FGF10: variants seen among roughly 807,000 people sequenced by gnomAD.
FGF10 encodes the protein FGF-10.
FGF10 carries 2 observed loss-of-function variants against 19.8 expected under a neutral mutation model. The observed-to-expected ratio is 0.10, with a 90% CI of 0.04 to 0.32. FGF10 has a LOEUF of 0.32. Among genes scored for constraint, FGF10 ranks in the 10% least tolerant of loss-of-function variants. The probability of loss-of-function intolerance (pLI) is 1.00; values close to 1 mark genes in which losing one functional copy is unlikely to be tolerated. For synonymous variants in FGF10, 112 were observed against 94.0 expected (o/e 1.19, Z -1.10); for missense variants, 191 against 246.3 (o/e 0.78, Z 1.50).
chr5:44,361,784 CT>C (rs1345965720), intron 1 of FGF10, among the ~76,000 whole-genome samples: 3 of 151,564 alleles, frequency 2.0e-5, no homozygotes, highest in Non-Finnish European at 3.0e-5. Context: ...AAAATTTTCC[CT>C]GATTTTGGTT....
chr5:44,312,407 T>C (rs1055923329), intron 1 of FGF10, among the ~76,000 whole-genome samples: 4 of 152,088 alleles, frequency 2.6e-5, no homozygotes, highest in African/African-American at 7.2e-5. Flanking sequence ...CTCTGACTTT[T>C]AGACTCTATT....
chr5:44,333,501 A>G (rs1740783603), intron 1 of FGF10, among the ~76,000 whole-genome samples: 1 of 152,174 alleles, frequency 6.6e-6, no homozygotes, highest in South Asian at 2.1e-4. Context: ...TAGTCATCCC[A>G]TTTATGGAGC....
At chr5:44,340,375 T>C (rs1045845834) in intron 1 of FGF10, among the ~76,000 whole-genome samples, 3 of 152,118 alleles carry the variant, frequency 2.0e-5, no homozygotes, top group African/African-American at 2.4e-5. Flanking sequence ...AGTGCCAACA[T>C]TTTAGCTTCT....
chr5:44,357,906 C>T (rs1371923982), intron 1 of FGF10, among the ~76,000 whole-genome samples: 1 of 151,356 alleles, frequency 6.6e-6, no homozygotes, highest in Non-Finnish European at 1.5e-5. Context: ...ATAATGCATT[C>T]CCCTCTGTCT....
chr5:44,350,626 C>T (rs1384410517), intron 1 of FGF10, among the ~76,000 whole-genome samples: 3 of 150,228 alleles, frequency 2.0e-5, no homozygotes, highest in African/African-American at 7.3e-5. Flanking sequence ...CATATATGTC[C>T]TTAAGTTTTA....
At chr5:44,352,095 A>C (rs1013698813) in intron 1 of FGF10, among the ~76,000 whole-genome samples, 1 of 151,644 alleles carries the variant, frequency 6.6e-6, no homozygotes, top group African/African-American at 2.4e-5. Flanking sequence ...AGCATAGTCC[A>C]TGAAAGAGGA....
intron 1 of FGF10, among the ~76,000 whole-genome samples, chr5:44,369,433 TG>T (rs1301228044): frequency 6.6e-6 from 1 of 152,070 alleles, no homozygotes; most frequent in Non-Finnish European, 1.5e-5. Context: ...CCAACACTCT[TG>T]GGGTTAGACG....
intron 1 of FGF10, among the ~76,000 whole-genome samples, chr5:44,344,290 T>G (rs1396629895): frequency 6.6e-6 from 1 of 150,774 alleles, no homozygotes; most frequent in African/African-American, 2.5e-5. Context: ...GATTCATGCT[T>G]GAATGGGGAT....
intron 2 of FGF10, among the ~76,000 whole-genome samples, chr5:44,305,475 G>A (rs576635207): frequency 6.6e-6 from 1 of 152,260 alleles, no homozygotes; most frequent in East Asian, 1.9e-4. Flanking sequence ...TGGTTTAAGT[G>A]CCTAGAGTGA....
rs1355054329 is a variant in FGF10, at chr5:44,365,878, T to C, written c.325+22480A>G. 2.0e-5 allele frequency among the ~76,000 whole-genome samples: 3 copies of C among 151,940 alleles called. No homozygotes were observed. The East Asian group carries it at 5.8e-4, about 30-fold the overall frequency. On this transcript the variant is annotated intron_variant, in intron 1 of 2. Transcript: ENST00000264664. ...AGAACATTTGGCTCTTCCTTCAAAGTACAAAAATACATGTAAATATGAGAA... is the reference window on the plus strand; with the variant it reads ...AGAACATTTGGCTCTTCCTTCAAAGCACAAAAATACATGTAAATATGAGAA...
At chr5:44,368,109 AAT>A (rs1741659929) in intron 1 of FGF10, among the ~76,000 whole-genome samples, 1 of 152,008 alleles carries the variant, frequency 6.6e-6, no homozygotes, top group African/African-American at 2.4e-5. Flanking sequence ...ACAAAATGTC[AAT>A]GTTACTAATT....
chr5:44,309,355 C>T (rs539705009), intron 2 of FGF10, among the ~76,000 whole-genome samples: 1 of 152,294 alleles, frequency 6.6e-6, no homozygotes, highest in East Asian at 1.9e-4. Flanking sequence ...AACTAATATA[C>T]TCCTGTCATC....
intron 1 of FGF10, among the ~76,000 whole-genome samples, chr5:44,384,733 A>T (rs935098033): frequency 1.3e-5 from 2 of 152,072 alleles, no homozygotes; most frequent in African/African-American, 4.8e-5. Context: ...ATGACTATTA[A>T]ATGAAGTGTG....
intron 1 of FGF10, among the ~76,000 whole-genome samples, chr5:44,343,382 T>C (rs753676565): frequency 3.9e-5 from 6 of 151,984 alleles, no homozygotes; most frequent in Non-Finnish European, 5.9e-5. Flanking sequence ...CATTACCTGA[T>C]TGTATTATCC....
intron 1 of FGF10, among the ~76,000 whole-genome samples, chr5:44,329,060 A>G (rs572897687): frequency 6.6e-6 from 1 of 152,334 alleles, no homozygotes; most frequent in South Asian, 2.1e-4. Flanking sequence ...AGTGGATTCC[A>G]ACCCAGAATA....
chr5:44,329,388 G>T (rs2111753049), intron 1 of FGF10, among the ~76,000 whole-genome samples: 1 of 152,170 alleles, frequency 6.6e-6, no homozygotes, highest in East Asian at 1.9e-4. Context: ...TGTTTGTCAG[G>T]CTGGTCTCAA....
chr5:44,335,329 T>C (rs1740822395), intron 1 of FGF10, among the ~76,000 whole-genome samples: 1 of 152,132 alleles, frequency 6.6e-6, no homozygotes, highest in South Asian at 2.1e-4. Flanking sequence ...GATCTTCAGA[T>C]TTTCCTTTTT....
chr5:44,375,556 A>G (rs1741833433), intron 1 of FGF10, among the ~76,000 whole-genome samples: 2 of 152,142 alleles, frequency 1.3e-5, no homozygotes, highest in Admixed American at 1.3e-4. Context: ...GGAGTAAATC[A>G]TGAGGGTCTT....
intron 1 of FGF10, among the ~76,000 whole-genome samples, chr5:44,359,260 T>G (rs1344669634): frequency 4.0e-5 from 6 of 151,446 alleles, no homozygotes; most frequent in African/African-American, 1.5e-4. Flanking sequence ...CATAAAAGAT[T>G]TTGGAAGAAA....
Sources: allele counts gnomAD v4.1 joint callset (sites outside exome capture counted in the v4.1 genomes callset), GRCh38; gene constraint gnomAD v4.1.1; transcripts MANE v1.5; gene names NCBI Gene and HGNC (gene_info 2026-07-23, HGNC 2026-07-21).